Variants in SPAG1 observed in about 807,000 individuals in gnomAD.
SPAG1 encodes sperm associated antigen 1.
A neutral mutation model predicts 100.5 loss-of-function variants in SPAG1; 69 were observed. The ratio of observed to expected loss-of-function variants is 0.69; its 90% CI spans 0.57 to 0.84. SPAG1 has a LOEUF of 0.84. Among genes scored for constraint, SPAG1 ranks in the 40% least tolerant of loss-of-function variants. The pLI is 0.00. For synonymous variants in SPAG1, 336 were observed against 411.6 expected, an observed-to-expected ratio of 0.82 and a Z score of 2.22; for missense variants, 955 against 1,133.1, an observed-to-expected ratio of 0.84 and a Z score of 2.26.
intron 10 of SPAG1, among the ~76,000 whole-genome samples, chr8:100,201,551 G>C (rs1416785925): frequency 6.6e-6 from 1 of 151,942 alleles, no homozygotes; most frequent in Non-Finnish European, 1.5e-5. Context: ...ATGTGTGTGT[G>C]TATATCCATA....
chr8:100,202,709 CAAAAAAAAAAAA>C (rs750153561), intron 10 of SPAG1, among the ~76,000 whole-genome samples: 466 of 27,466 alleles, frequency 0.017, 10 homozygotes, highest in African/African-American at 0.07. Flanking sequence ...GACTCCGTCT[CAAAAAAAAAAAA>C]AAAAAAAAAA....
intron 8 of SPAG1, 77 bp from the exon 9 acceptor site, chr8:100,191,313 T>C: frequency 1.0e-6 from 1 of 956,154 alleles, no homozygotes; most frequent in Non-Finnish European, 1.6e-6. Context: ...GCTGCTCATA[T>C]CTTCCACTTG....
intron 13 of SPAG1, among the ~76,000 whole-genome samples, chr8:100,220,818 A>G (rs1818238322): frequency 6.6e-6 from 1 of 152,196 alleles, no homozygotes; most frequent in South Asian, 2.1e-4. Flanking sequence ...GATGCCTGTA[A>G]TCCTAGCACT....
intron 14 of SPAG1, among the ~76,000 whole-genome samples, chr8:100,226,356 A>G (rs1818513066): frequency 6.6e-6 from 1 of 152,070 alleles, no homozygotes; most frequent in Non-Finnish European, 1.5e-5. Flanking sequence ...ATAAATGGAG[A>G]TGTGTATATA....
At chr8:100,204,690 C>T (rs1817431405) in intron 10 of SPAG1, among the ~76,000 whole-genome samples, 1 of 152,152 alleles carries the variant, frequency 6.6e-6, no homozygotes, top group South Asian at 2.1e-4. Context: ...TAGACTGACT[C>T]ATCCCAGCTG....
chr8:100,229,859 A>C (rs1308716971), intron 14 of SPAG1, among the ~76,000 whole-genome samples: 1 of 152,192 alleles, frequency 6.6e-6, no homozygotes, highest in East Asian at 1.9e-4. Context: ...CCACAGGTGG[A>C]GTGGCTGCAG....
intron 13 of SPAG1, among the ~76,000 whole-genome samples, chr8:100,224,487 A>G (rs932387700): frequency 7.2e-5 from 11 of 152,226 alleles, no homozygotes; most frequent in Non-Finnish European, 1.3e-4. Context: ...GGTTGCAGTG[A>G]ACCGAGGTCG....
chr8:100,226,138 A>G (rs536846184), intron 14 of SPAG1, among the ~76,000 whole-genome samples: 1 of 152,002 alleles, frequency 6.6e-6, no homozygotes, highest in East Asian at 1.9e-4. Context: ...CTGAGATTAC[A>G]GGTGCCTGCC....
chr8:100,183,482 A>T (rs778133913), intron 5 of SPAG1, 46 bp downstream of exon 5: 4 of 892,014 alleles, frequency 4.5e-6, no homozygotes, highest in Non-Finnish European at 7.1e-6. Flanking sequence ...TAAAAAAGTT[A>T]TCTACCACAA....
chr8:100,177,678 A>G (rs1016185388), intron 3 of SPAG1, 138 bp from the exon 4 acceptor site: 2 of 444,114 alleles, frequency 4.5e-6, no homozygotes, highest in African/African-American at 4.1e-5. Flanking sequence ...TTTTTCCAAT[A>G]TTTTTACTGA....
At chr8:100,229,734 A>G (rs1413637633) in intron 14 of SPAG1, among the ~76,000 whole-genome samples, 1 of 152,252 alleles carries the variant, frequency 6.6e-6, no homozygotes, top group Non-Finnish European at 1.5e-5. Context: ...TAATAGGGAT[A>G]GTGTGTAATT....
At position 100,240,552 on chromosome 8, in the gene SPAG1, T is replaced by G; in HGVS notation, c.2430T>G (p.Gly810=). 6.2e-7 allele frequency: 1 copy of G among 1,614,084 alleles called. No individual in the cohort carries two copies. The highest frequency in any genetic ancestry group is 8.5e-7 in the Non-Finnish European group (1 of 1,179,988). Residue 810 remains glycine (G), a synonymous_variant, in exon 18 of 19, where the codon GGT becomes GGG. Transcript: ENST00000388798. Reference sequence around the variant, plus strand: ...AGCCTAATAATGCCTATGAATTTGGTCAGATTATAAATGCTCTCAGTACCA... The same window carrying G: ...AGCCTAATAATGCCTATGAATTTGGGCAGATTATAAATGCTCTCAGTACCA... ...IAKPNNAYEF[G]QIINALSTRK... is the part of the protein sequence containing the mutation.
chr8:100,176,510 T>C (rs1177150330), intron 3 of SPAG1, among the ~76,000 whole-genome samples: 1 of 151,846 alleles, frequency 6.6e-6, no homozygotes, highest in African/African-American at 2.4e-5. Context: ...GGATTACAGG[T>C]GCCCACCACC....
intron 2 of SPAG1, among the ~76,000 whole-genome samples, chr8:100,163,035 A>G (rs933115380): frequency 3.9e-5 from 6 of 152,178 alleles, no homozygotes; most frequent in African/African-American, 1.4e-4. Flanking sequence ...GGCTGGTGGC[A>G]CTTTCCCACT....
chr8:100,180,438 G>A (rs934710220), intron 4 of SPAG1, among the ~76,000 whole-genome samples: 1 of 152,166 alleles, frequency 6.6e-6, no homozygotes, highest in Non-Finnish European at 1.5e-5. Flanking sequence ...ATATCTGCTT[G>A]TGACAGAAAA....
At chr8:100,237,300 C>A (rs906175140) in intron 16 of SPAG1, among the ~76,000 whole-genome samples, 3 of 152,080 alleles carry the variant, frequency 2.0e-5, no homozygotes, top group Admixed American at 2.0e-4. Context: ...AGGCTGGTCT[C>A]GAACTCTTGG....
intron 11 of SPAG1, 110 bp from the exon 12 acceptor site, chr8:100,213,709 C>G: frequency 1.4e-6 from 1 of 700,906 alleles, no homozygotes; most frequent in Non-Finnish European, 2.5e-6. Context: ...CATGATCAGT[C>G]TGCAGGACTG....
chr8:100,182,521 G>A (rs1004292292), intron 4 of SPAG1, among the ~76,000 whole-genome samples: 1 of 152,246 alleles, frequency 6.6e-6, no homozygotes, highest in African/African-American at 2.4e-5. Flanking sequence ...AGTAGGTAGA[G>A]AGGAGCAGAA....
intron 15 of SPAG1, among the ~76,000 whole-genome samples, chr8:100,232,066 T>G (rs1818797862): frequency 6.6e-6 from 1 of 152,092 alleles, no homozygotes; most frequent in Non-Finnish European, 1.5e-5. Flanking sequence ...ATGGGCAGAT[T>G]GTTGCTCAGG....
Sources: allele counts gnomAD v4.1 joint callset (sites outside exome capture counted in the v4.1 genomes callset), GRCh38; gene constraint gnomAD v4.1.1; transcripts MANE v1.5; gene names NCBI Gene and HGNC (gene_info 2026-07-23, HGNC 2026-07-21).